ARID4B: variants seen among roughly 807,000 people sequenced by gnomAD.
The protein encoded by ARID4B is AT-rich interactive domain-containing protein 4B.
ARID4B carries 26 observed loss-of-function variants against 147.5 expected under a neutral mutation model. The observed-to-expected ratio is 0.18, with a 90% CI of 0.13 to 0.24. The LOEUF is 0.24. ARID4B is among the 10% of genes least tolerant of loss of function. The pLI, the probability that ARID4B is intolerant of heterozygous loss-of-function variation, is 1.00. For synonymous variants in ARID4B, 512 were observed against 507.9 expected, an observed-to-expected ratio of 1.01 and a Z score of -0.11; for missense variants, 1,179 against 1,511.5, an observed-to-expected ratio of 0.78 and a Z score of 3.65.
intron 2 of ARID4B, among the ~76,000 whole-genome samples, chr1:235,315,854 G>A (rs1276237982): frequency 1.4e-4 from 21 of 152,092 alleles, no homozygotes; most frequent in Non-Finnish European, 5.9e-5. Context: ...GTAAGAGTAA[G>A]CATATACTAA....
rs750116991 is a variant in ARID4B, at chr1:235,252,812, A to G, written c.275-3T>C. 1.9e-6 allele frequency: 3 copies of G among 1,608,200 alleles called. No individual in the cohort carries two copies. The highest frequency in any genetic ancestry group is 2.5e-6 in the Non-Finnish European group (3 of 1,177,112). On this transcript the variant is annotated splice_polypyrimidine_tract_variant and splice_region_variant and intron_variant, in intron 5 of 23. Coordinates refer to ENST00000264183, the MANE Select transcript of ARID4B (RefSeq NM_016374.6). Reference sequence around the variant, plus strand: ...CTTCTCATCTCCGTCATCAAAAACTATGAGAGGGGGTAAAAATGGAAGCTA... The same window carrying G: ...CTTCTCATCTCCGTCATCAAAAACTGTGAGAGGGGGTAAAAATGGAAGCTA...
At chr1:235,269,846 A>G (rs920793927) in intron 2 of ARID4B, among the ~76,000 whole-genome samples, 7 of 152,128 alleles carry the variant, frequency 4.6e-5, no homozygotes, top group Non-Finnish European at 7.4e-5. Flanking sequence ...TTGTAAAGTA[A>G]TATATATTTA....
At chr1:235,272,607 G>A (rs1010409535) in intron 2 of ARID4B, among the ~76,000 whole-genome samples, 13 of 151,812 alleles carry the variant, frequency 8.6e-5, no homozygotes, top group African/African-American at 3.1e-4. Context: ...CATCATCCTT[G>A]GGAAAAATTA....
At chr1:235,317,340 A>G (rs977704079) in intron 2 of ARID4B, among the ~76,000 whole-genome samples, 11 of 152,148 alleles carry the variant, frequency 7.2e-5, no homozygotes, top group Admixed American at 6.5e-5. Flanking sequence ...GATGAAAGCT[A>G]TCTATGGCTC....
chr1:235,328,022 T>A lies in ARID4B; in HGVS notation c.-303A>T, dbSNP rs1432619140. The A allele has an allele frequency of 6.6e-6, 1 of 152,328 alleles. No individual in the cohort carries two copies. Among genetic ancestry groups the A allele is most frequent in the Non-Finnish European group, 1.5e-5 (1 of 68,090 alleles). 9.4% of individuals were successfully genotyped at this position (152,328 alleles called of 1,614,324 possible). A position where few individuals can be genotyped will look rare whatever the true frequency, so the allele number is the denominator to read the frequency against. On this transcript the variant is annotated 5_prime_UTR_variant, in exon 1 of 24. Coordinates refer to ENST00000264183, the MANE Select transcript of ARID4B (RefSeq NM_016374.6). ...CCGGACTGGAGGTCCGGGCCCCCAA[T>A]CGCGCTGCCCTCCAGAGGACGGCGG...
At chr1:235,216,585 C>T (rs550781374) in intron 16 of ARID4B, among the ~76,000 whole-genome samples, 137 of 152,152 alleles carry the variant, frequency 9.0e-4, no homozygotes, top group Non-Finnish European at 1.1e-3. Flanking sequence ...TCAGGTGATC[C>T]GCCTGCCTGG....
chr1:235,308,429 A>C (rs1433203129), intron 2 of ARID4B, among the ~76,000 whole-genome samples: 3 of 150,874 alleles, frequency 2.0e-5, no homozygotes, highest in Non-Finnish European at 4.4e-5. Flanking sequence ...ATTTTTAAGA[A>C]ACAGGGGCTC....
rs1309868844 is a variant in ARID4B, at chr1:235,182,614, A to C, written c.2305T>G (p.Leu769Val). The change falls in exon 20 of 24, where the codon TTG becomes GTG. Residue 769 changes from leucine to valine, a missense_variant. Coordinates refer to ENST00000264183, the MANE Select transcript of ARID4B (RefSeq NM_016374.6). Reference protein sequence around the residue: ...LLEENKVHADLVISKPVSKSP... With the variant: ...LLEENKVHADVVISKPVSKSP... ...TTTGACACTGGTTTGGATATTACCA[A>C]ATCTGCATGAACTTTGTTTTCTTCT... 1 of 1,613,530 alleles carries C rather than the reference A, an allele frequency of 6.2e-7. No homozygotes were observed. Among genetic ancestry groups the C allele is most frequent in the East Asian group, 2.2e-5 (1 of 44,866 alleles).
chr1:235,231,122 A>G lies in ARID4B; in HGVS notation c.733T>C (p.Leu245=). ...CCAAGATTATCCTTACCTTGCTTTA[A>G]AACAGCATCAGGCTTTGGTGCAGTG... is the stretch of plus-strand genomic sequence containing the variant. The part of the protein sequence containing the change: ...SDTAPKPDAV[L]KQAFEQALEF... The change falls in exon 10 of 24, where the codon TTA becomes CTA. Residue 245 remains leucine, a synonymous_variant. Transcript: ENST00000264183. The G allele has an allele frequency of 1.9e-6, 3 of 1,584,974 alleles. No homozygotes were observed. The highest frequency in any genetic ancestry group is 1.7e-6 in the Non-Finnish European group (2 of 1,165,334).
At chr1:235,210,716 A>C (rs1217749553) in intron 17 of ARID4B, among the ~76,000 whole-genome samples, 1 of 152,168 alleles carries the variant, frequency 6.6e-6, no homozygotes, top group Non-Finnish European at 1.5e-5. Flanking sequence ...CATAGCATAC[A>C]AGCACTTGAG....
At chr1:235,176,676 GGACT>G in intron 21 of ARID4B, 1 of 351,196 alleles carries the variant, frequency 2.8e-6, no homozygotes, top group Admixed American at 3.7e-5. Flanking sequence ...TCTATGCAGT[GGACT>G]GTCTCAGCCT....
At position 235,223,339 on chromosome 1, in the gene ARID4B, GTATT is replaced by G. The variant is rs942237359; in HGVS notation, c.971-83_971-80del. On this transcript the variant is annotated intron_variant, in intron 12 of 23. Transcript: ENST00000264183. ...ATTTCAAAAGATTCAAATAATACAA[GTATT>G]TATAGTATTTTATATATATATACAC... The G allele has an allele frequency of 5.9e-5, 21 of 354,974 alleles. No homozygotes were observed. In the African/African-American group the frequency reaches 9.2e-4, roughly 16 times the overall value. The allele number at this position is 354,974 out of a possible 1,614,324, so 22.0% of individuals were successfully genotyped here. A position where few individuals can be genotyped will look rare whatever the true frequency, so the allele number is the denominator to read the frequency against.
chr1:235,199,656 G>T (rs1234677456), intron 17 of ARID4B, among the ~76,000 whole-genome samples: 1 of 152,206 alleles, frequency 6.6e-6, no homozygotes, highest in African/African-American at 2.4e-5. Context: ...TTAGTGAAGA[G>T]TGAGAGACCA....
intron 11 of ARID4B, among the ~76,000 whole-genome samples, chr1:235,226,251 G>A (rs1046410614): frequency 1.3e-4 from 20 of 152,178 alleles, no homozygotes. Context: ...ATGAATACGA[G>A]TAAGACAGCA....
intron 2 of ARID4B, among the ~76,000 whole-genome samples, chr1:235,319,809 T>C (rs1674696904): frequency 6.6e-6 from 1 of 151,754 alleles, no homozygotes; most frequent in African/African-American, 2.4e-5. Context: ...CTGGCCAACA[T>C]GGTGAAACCC....
At chr1:235,299,267 G>A (rs11577909) in intron 2 of ARID4B, among the ~76,000 whole-genome samples, 19,981 of 152,194 alleles carry the variant, frequency 0.13, 1,529 homozygotes, top group African/African-American at 0.2. Flanking sequence ...AGGCTGGAGT[G>A]CAATGGCGTG....
chr1:235,253,156 GA>G, intron 5 of ARID4B, among the ~76,000 whole-genome samples: 1 of 152,288 alleles, frequency 6.6e-6, no homozygotes, highest in African/African-American at 2.4e-5. Flanking sequence ...CCTACTGACA[GA>G]TATTGACAGA....
intron 17 of ARID4B, among the ~76,000 whole-genome samples, chr1:235,213,559 T>TGTACTACATGTAGTACATAAAAA (rs1666844400): frequency 7.5e-6 from 1 of 132,918 alleles, no homozygotes; most frequent in Non-Finnish European, 1.7e-5. Flanking sequence ...GACCTCGGTT[T>TGTACTACATGTAGTACATAAAAA]TCTAGACATT....
At chr1:235,257,022 T>C in intron 4 of ARID4B, 138 bp downstream of exon 4, 1 of 666,224 alleles carries the variant, frequency 1.5e-6, no homozygotes, top group South Asian at 2.0e-5. Context: ...ATTAAGTCTA[T>C]TTTTTCTATT....
Sources: allele counts gnomAD v4.1 joint callset (sites outside exome capture counted in the v4.1 genomes callset), GRCh38; gene constraint gnomAD v4.1.1; transcripts MANE v1.5; gene names NCBI Gene and HGNC (gene_info 2026-07-23, HGNC 2026-07-21).